PDGFD: variants seen among roughly 807,000 people sequenced by gnomAD.
The protein encoded by PDGFD is platelet-derived growth factor D.
In PDGFD, 30 loss-of-function variants were observed where a neutral mutation model predicts 44.7. The observed-to-expected ratio is 0.67, with a 90% CI of 0.50 to 0.91. The LOEUF is 0.91. PDGFD is among the 40% of genes least tolerant of loss of function. The pLI is 0.00. For synonymous variants in PDGFD, 173 were observed against 168.4 expected (o/e 1.03, Z -0.21); for missense variants, 445 against 457.8 (o/e 0.97, Z 0.25).
chr11:104,126,123 T>TATCA (rs1409436227), intron 1 of PDGFD, among the ~76,000 whole-genome samples: 1 of 152,172 alleles, frequency 6.6e-6, no homozygotes, highest in African/African-American at 2.4e-5. Context: ...ATCCTTAGCC[T>TATCA]ATCACTGCTC....
Position 104,047,148 on chromosome 11 carries a change from C to T in PDGFD, c.125-46893G>A, listed in dbSNP as rs568934010. ...CTTCGTCCAGTCTATCATTGATGGG[C>T]ATTTGGGTTGGTTCCAAGTTTTTGC... is the stretch of plus-strand genomic sequence containing the variant. On this transcript the variant is annotated intron_variant, in intron 1 of 6. Coordinates refer to ENST00000393158, the MANE Select transcript of PDGFD (RefSeq NM_025208.5). Among the ~76,000 whole-genome samples, 5 of 147,544 alleles carry T rather than the reference C, an allele frequency of 3.4e-5. 2 individuals carry two copies. Among genetic ancestry groups the T allele is most frequent in the South Asian group, 4.6e-4 (2 of 4,392 alleles).
chr11:104,057,594 T>A (rs926664110), intron 1 of PDGFD, among the ~76,000 whole-genome samples: 1 of 152,152 alleles, frequency 6.6e-6, no homozygotes, highest in Admixed American at 6.5e-5. Flanking sequence ...ACCTGGGCAA[T>A]GGGATCATTC....
chr11:104,161,679 C>G (rs980251849), intron 1 of PDGFD, among the ~76,000 whole-genome samples: 1 of 152,076 alleles, frequency 6.6e-6, no homozygotes, highest in East Asian at 1.9e-4. Flanking sequence ...GAACACAGAC[C>G]GTTGCAATAT....
At chr11:104,034,199 G>T (rs1211119068) in intron 1 of PDGFD, among the ~76,000 whole-genome samples, 1 of 151,792 alleles carries the variant, frequency 6.6e-6, no homozygotes, top group Admixed American at 6.6e-5. Flanking sequence ...CCACTACTGT[G>T]GTATTTTTTA....
chr11:104,017,268 C>A (rs538147724), intron 1 of PDGFD, among the ~76,000 whole-genome samples: 1 of 152,092 alleles, frequency 6.6e-6, no homozygotes, highest in Non-Finnish European at 1.5e-5. Context: ...ACCTGGTGTG[C>A]GGTATTTTAT....
At chr11:104,072,648 G>A (rs1860898488) in intron 1 of PDGFD, among the ~76,000 whole-genome samples, 2 of 151,762 alleles carry the variant, frequency 1.3e-5, no homozygotes, top group Admixed American at 1.3e-4. Flanking sequence ...ACTTGTTTCT[G>A]GTATTAATGA....
At chr11:103,968,193 G>A (rs1859049620) in intron 3 of PDGFD, among the ~76,000 whole-genome samples, 1 of 151,966 alleles carries the variant, frequency 6.6e-6, no homozygotes, top group Non-Finnish European at 1.5e-5. Context: ...TTCTTTTAAT[G>A]TCTTCTCGAA....
chr11:104,046,985 G>T (rs1043372872), intron 1 of PDGFD, among the ~76,000 whole-genome samples: 2 of 146,630 alleles, frequency 1.4e-5, no homozygotes, highest in Non-Finnish European at 3.0e-5. Flanking sequence ...GTGAGAACAT[G>T]AGGTGCTTGG....
At position 103,954,865 on chromosome 11, in the gene PDGFD, T is replaced by C. The variant is rs561622125; in HGVS notation, c.511-7141A>G. ...AGAAAGACAAAGGGGTTTGTTAAGA[T>C]TCATAAAACAGTAATGAGGCCGGGC... On this transcript the variant is annotated intron_variant, in intron 3 of 6. Coordinates refer to ENST00000393158, the MANE Select transcript of PDGFD (RefSeq NM_025208.5). 1.6e-4 allele frequency among the ~76,000 whole-genome samples: 24 copies of C among 152,186 alleles called. No individual in the cohort carries two copies. In the South Asian group the frequency reaches 5.0e-3, roughly 32 times the overall value.
At chr11:103,919,453 G>A (rs914415939) in intron 6 of PDGFD, among the ~76,000 whole-genome samples, 3 of 150,634 alleles carry the variant, frequency 2.0e-5, no homozygotes, top group African/African-American at 7.3e-5. Flanking sequence ...ACGTATTTCA[G>A]GACAAATGCA....
chr11:103,980,084 A>T (rs903893197), intron 3 of PDGFD, among the ~76,000 whole-genome samples: 2 of 152,114 alleles, frequency 1.3e-5, no homozygotes, highest in African/African-American at 4.8e-5. Flanking sequence ...TGGCTAAATG[A>T]AATAATTTTG....
intron 1 of PDGFD, among the ~76,000 whole-genome samples, chr11:104,155,198 G>A (rs1214023761): frequency 6.6e-6 from 1 of 152,014 alleles, no homozygotes; most frequent in African/African-American, 2.4e-5. Context: ...TCAATTTCTG[G>A]TTGAAATACA....
At chr11:104,103,503 T>C (rs1470079796) in intron 1 of PDGFD, among the ~76,000 whole-genome samples, 2 of 147,998 alleles carry the variant, frequency 1.4e-5, no homozygotes, top group Non-Finnish European at 3.0e-5. Flanking sequence ...TATGAATATA[T>C]GCTTATATCT....
intron 6 of PDGFD, among the ~76,000 whole-genome samples, chr11:103,913,065 C>A (rs1169472587): frequency 2.0e-5 from 3 of 152,162 alleles, no homozygotes; most frequent in South Asian, 2.1e-4. Flanking sequence ...CACTTTAACA[C>A]CCCACTGCCA....
chr11:103,999,204 T>C (rs992667003), intron 2 of PDGFD, among the ~76,000 whole-genome samples: 5 of 152,104 alleles, frequency 3.3e-5, no homozygotes, highest in African/African-American at 1.2e-4. Context: ...ACAACCAAAT[T>C]TGAGGCCCCT....
chr11:103,956,863 T>C (rs953056433), intron 3 of PDGFD, among the ~76,000 whole-genome samples: 7 of 152,216 alleles, frequency 4.6e-5, no homozygotes, highest in African/African-American at 1.7e-4. Context: ...ATGTCTTCTT[T>C]TGAGAAGTGT....
chr11:104,127,620 G>A (rs1452836981), intron 1 of PDGFD, among the ~76,000 whole-genome samples: 1 of 152,114 alleles, frequency 6.6e-6, no homozygotes, highest in East Asian at 1.9e-4. Flanking sequence ...GGTTTCATTT[G>A]TTGGTTTTGC....
At chr11:104,043,051 G>C (rs904086092) in intron 1 of PDGFD, among the ~76,000 whole-genome samples, 1 of 151,938 alleles carries the variant, frequency 6.6e-6, no homozygotes, top group African/African-American at 2.4e-5. Flanking sequence ...TTAAATTATA[G>C]CATTAACCTT....
In PDGFD at chr11:104,163,932, G is replaced by T. The variant is rs1025977879; in HGVS notation, c.-5C>A. 6.5e-7 allele frequency: 1 copy of T among 1,539,024 alleles called. No individual in the cohort carries two copies. Among genetic ancestry groups the T allele is most frequent in the Non-Finnish European group, 8.9e-7 (1 of 1,128,710 alleles). The stretch of plus-strand genomic sequence containing the variant: ...GACAAAGATGAGCCGGTGCATTTGG[G>T]ATCAGCGACTAGAGACAGCGTCGCT... On this transcript the variant is annotated 5_prime_UTR_variant, in exon 1 of 7. Coordinates refer to ENST00000393158, the MANE Select transcript of PDGFD (RefSeq NM_025208.5).
Sources: gnomAD v4.1 joint callset for allele counts (sites outside exome capture counted in the v4.1 genomes callset) on GRCh38, gnomAD v4.1.1 for gene constraint, MANE v1.5 for transcripts, NCBI Gene and HGNC (gene_info 2026-07-23, HGNC 2026-07-21) for gene names.